Variants in SPATA6L observed in about 807,000 individuals in gnomAD.
SPATA6L encodes spermatogenesis associated 6-like protein.
A neutral mutation model predicts 49.2 loss-of-function variants in SPATA6L; 68 were observed. The observed-to-expected ratio is 1.38, with a 90% CI of 1.14 to 1.69. The LOEUF is 1.69. Among genes scored for constraint, SPATA6L ranks in the 40% most tolerant of loss-of-function variants. The pLI is 0.00. For missense variants in SPATA6L, 668 were observed against 464.3 expected, an observed-to-expected ratio of 1.44 and a Z score of -4.03; for synonymous variants, 198 against 165.7, an observed-to-expected ratio of 1.19 and a Z score of -1.50.
At chr9:4,658,385 A>G (rs971836271) in intron 2 of SPATA6L, among the ~76,000 whole-genome samples, 1 of 152,236 alleles carries the variant, frequency 6.6e-6, no homozygotes, top group African/African-American at 2.4e-5. Context: ...TTTTTTCACT[A>G]CCTGCTGAAA....
intron 9 of SPATA6L, 111 bp downstream of exon 9, chr9:4,617,812 G>C (rs1164099460): frequency 2.4e-6 from 2 of 822,888 alleles, no homozygotes; most frequent in African/African-American, 1.7e-5. Context: ...TCATATCAAG[G>C]TGTCACCAGC....
chr9:4,605,375 G>A lies in SPATA6L; in HGVS notation c.1061C>T (p.Ser354Phe). Reference protein sequence around the residue: ...IHERVCSLLTSHRAQLHQNKE... With the variant: ...IHERVCSLLTFHRAQLHQNKE... Reference sequence around the variant, plus strand: ...GTTTTGGTGCAGCTGTGCTCTGTGGGATGTCAGAAGACTGCATACCCTCTC... The same window carrying A: ...GTTTTGGTGCAGCTGTGCTCTGTGGAATGTCAGAAGACTGCATACCCTCTC... Residue 354 changes from serine (S) to phenylalanine (F), a missense_variant, in exon 10 of 12, where the codon TCC (serine) becomes TTC (phenylalanine). Coordinates refer to ENST00000682582, the MANE Select transcript of SPATA6L (RefSeq NM_001353486.2). 1 of 1,614,084 alleles carries A rather than the reference G, an allele frequency of 6.2e-7. No individual in the cohort carries two copies. The highest frequency in any genetic ancestry group is 8.5e-7 in the Non-Finnish European group (1 of 1,179,938).
rs767448736 is a variant in SPATA6L at position 4,661,985 on chromosome 9, C to T, written c.91G>A (p.Val31Ile). 2 of 1,614,056 alleles carry T rather than the reference C, an allele frequency of 1.2e-6. No homozygotes were observed. Among genetic ancestry groups the T allele is most frequent in the South Asian group, 2.2e-5 (2 of 91,068 alleles). Residue 31 changes from valine (V) to isoleucine (I), a missense_variant, in exon 2 of 12, where the codon GTC (valine) becomes ATC (isoleucine). Val to Ile is a conservative substitution (Grantham distance 29). Coordinates refer to ENST00000682582, the MANE Select transcript of SPATA6L (RefSeq NM_001353486.2). ...LPGKQDVYLG[V>I]YLMNQYLETN... Reference sequence around the variant, plus strand: ...TCCAGGTACTGATTCATGAGGTAGACCCCGAGGTACACATCTTGTTTGCCA... The same window carrying T: ...TCCAGGTACTGATTCATGAGGTAGATCCCGAGGTACACATCTTGTTTGCCA...
At chr9:4,594,175 T>C (rs538959904), downstream of SPATA6L, among the ~76,000 whole-genome samples, 1 of 152,302 alleles carries the variant, frequency 6.6e-6, no homozygotes, top group East Asian at 1.9e-4. Context: ...ATCTTTTCTG[T>C]AGTCTCTCTT....
At chr9:4,626,621 C>A in intron 5 of SPATA6L, 1 of 1,207,660 alleles carries the variant, frequency 8.3e-7, no homozygotes, top group Non-Finnish European at 1.1e-6. Flanking sequence ...ATCTTTCAGT[C>A]TTTCTTTCAA....
intron 13 of SPATA6L, among the ~76,000 whole-genome samples, chr9:4,589,668 G>C (rs1216803244): frequency 6.6e-6 from 1 of 152,194 alleles, no homozygotes; most frequent in African/African-American, 2.4e-5. Flanking sequence ...AAGCTGAGAT[G>C]TACCTTCACA....
At chr9:4,636,881 C>G (rs1338069512) in intron 3 of SPATA6L, among the ~76,000 whole-genome samples, 8 of 152,190 alleles carry the variant, frequency 5.3e-5, no homozygotes, top group African/African-American at 1.9e-4. Flanking sequence ...GTTCCCTCCT[C>G]AGCAATGTAC....
At chr9:4,606,167 G>C (rs1406124069) in intron 9 of SPATA6L, among the ~76,000 whole-genome samples, 1 of 151,588 alleles carries the variant, frequency 6.6e-6, no homozygotes, top group Admixed American at 6.6e-5. Flanking sequence ...GAGTCTCGCT[G>C]ATTGCTAGCA....
chr9:4,599,224 T>A lies in SPATA6L; in HGVS notation c.*1587A>T, dbSNP rs528231557. 6.6e-6 allele frequency among the ~76,000 whole-genome samples: 1 copy of A among 152,220 alleles called. No homozygotes were observed. The highest frequency in any genetic ancestry group is 6.5e-5 in the Admixed American group (1 of 15,282). On this transcript the variant is annotated 3_prime_UTR_variant, in exon 12 of 12. Coordinates refer to ENST00000682582, the MANE Select transcript of SPATA6L (RefSeq NM_001353486.2). Reference sequence around the variant, plus strand: ...GGAATTTTTCACTTATGGTGTTATATTGGTGCTCAAAAAGTTTTGGATTTT... The same window carrying A: ...GGAATTTTTCACTTATGGTGTTATAATGGTGCTCAAAAAGTTTTGGATTTT...
At chr9:4,592,358 T>C (rs1028757707) in intron 13 of SPATA6L, among the ~76,000 whole-genome samples, 3 of 152,014 alleles carry the variant, frequency 2.0e-5, no homozygotes, top group Non-Finnish European at 4.4e-5. Flanking sequence ...CATTTTTATT[T>C]ACTCAGCAGA....
At chr9:4,647,113 G>C (rs1587400941) in intron 3 of SPATA6L, among the ~76,000 whole-genome samples, 2 of 147,438 alleles carry the variant, frequency 1.4e-5, no homozygotes. Context: ...GAAAAAAAAA[G>C]ATGCAATATT....
chr9:4,607,085 G>C (rs1401680378), intron 9 of SPATA6L, among the ~76,000 whole-genome samples: 1 of 151,560 alleles, frequency 6.6e-6, no homozygotes, highest in Non-Finnish European at 1.5e-5. Context: ...GAGAAGGGAA[G>C]TTTAGAGAAA....
chr9:4,652,942 C>A (rs1837267882), intron 3 of SPATA6L, among the ~76,000 whole-genome samples: 1 of 151,488 alleles, frequency 6.6e-6, no homozygotes, highest in South Asian at 2.1e-4. Context: ...GGTGACAATA[C>A]TCCCCAAATT....
At chr9:4,648,793 C>A (rs1465035350) in intron 3 of SPATA6L, among the ~76,000 whole-genome samples, 2 of 152,104 alleles carry the variant, frequency 1.3e-5, no homozygotes. Context: ...GTACACACTG[C>A]ACCCTATTTG....
At chr9:4,653,783 A>AAAAAC (rs1319875865) in intron 3 of SPATA6L, among the ~76,000 whole-genome samples, 1 of 152,148 alleles carries the variant, frequency 6.6e-6, no homozygotes, top group African/African-American at 2.4e-5. Flanking sequence ...AAACAAAAAC[A>AAAAAC]AAAAATAGCT....
chr9:4,647,120 T>C (rs1564287405), intron 3 of SPATA6L, among the ~76,000 whole-genome samples: 1 of 150,344 alleles, frequency 6.7e-6, no homozygotes, highest in Non-Finnish European at 1.5e-5. Flanking sequence ...AAAGATGCAA[T>C]ATTTGTCTCC....
chr9:4,593,808 C>T (rs1160930711), downstream of SPATA6L, among the ~76,000 whole-genome samples: 1 of 152,174 alleles, frequency 6.6e-6, no homozygotes, highest in African/African-American at 2.4e-5. Context: ...CGTTTTCCAC[C>T]ACTCTTCCAC....
chr9:4,664,293 G>A (rs1335671237), intron 1 of SPATA6L: 1 of 166,878 alleles, frequency 6.0e-6, no homozygotes, highest in East Asian at 1.9e-4. Flanking sequence ...TGGGGAAAAG[G>A]AACGTCTTCT....
intron 9 of SPATA6L, among the ~76,000 whole-genome samples, chr9:4,613,028 G>C (rs920405124): frequency 2.6e-5 from 4 of 152,070 alleles, no homozygotes; most frequent in Non-Finnish European, 4.4e-5. Context: ...AAGAGTTCCA[G>C]ACCAGCCTGG....
Sources: allele counts gnomAD v4.1 joint callset (sites outside exome capture counted in the v4.1 genomes callset), GRCh38; gene constraint gnomAD v4.1.1; transcripts MANE v1.5; gene names NCBI Gene and HGNC (gene_info 2026-07-23, HGNC 2026-07-21).